Variants in RYR2 observed in about 807,000 individuals in gnomAD.
RYR2 encodes ryanodine receptor 2, also known as cardiac muscle ryanodine receptor-calcium release channel.
A neutral mutation model predicts 601.1 loss-of-function variants in RYR2; 227 were observed. That is an observed-to-expected ratio of 0.38 (90% CI 0.34 to 0.42). The LOEUF is 0.42. Ranked by LOEUF, RYR2 falls within the 10% of genes least tolerant of loss-of-function variation. The pLI is 1.00. For missense variants in RYR2, 4,646 were observed against 6,156.5 expected (o/e 0.75, Z 8.21); for synonymous variants, 2,223 against 2,175.1 (o/e 1.02, Z -0.61).
chr1:237,419,238 A>T (rs1705315637), intron 11 of RYR2, among the ~76,000 whole-genome samples: 1 of 152,024 alleles, frequency 6.6e-6, no homozygotes, highest in African/African-American at 2.4e-5. Context: ...TTCATGATTG[A>T]GTGCTTAAAG....
At chr1:237,653,631 A>T (rs970693781) in intron 51 of RYR2, among the ~76,000 whole-genome samples, 74 of 152,206 alleles carry the variant, frequency 4.9e-4, no homozygotes, top group African/African-American at 1.6e-3. Flanking sequence ...AGGGGAGTTT[A>T]TTAAGGAGTA....
At chr1:237,636,003 C>A (rs894800610) in intron 44 of RYR2, among the ~76,000 whole-genome samples, 7 of 148,136 alleles carry the variant, frequency 4.7e-5, no homozygotes, top group African/African-American at 1.8e-4. Flanking sequence ...CACATCCATG[C>A]TGTGTAAAAC....
intron 1 of RYR2, among the ~76,000 whole-genome samples, chr1:237,242,939 G>T (rs1686366137): frequency 6.6e-6 from 1 of 152,136 alleles, no homozygotes; most frequent in African/African-American, 2.4e-5. Context: ...AAAGTCTGGG[G>T]TAGGGCTCAA....
intron 3 of RYR2, among the ~76,000 whole-genome samples, chr1:237,348,365 G>C (rs1453903117): frequency 2.6e-5 from 4 of 152,090 alleles, no homozygotes; most frequent in Non-Finnish European, 4.4e-5. Flanking sequence ...TGTGACTATC[G>C]ATTCTATGAA....
At chr1:237,483,909 T>A (rs1662391449) in intron 17 of RYR2, among the ~76,000 whole-genome samples, 1 of 152,208 alleles carries the variant, frequency 6.6e-6, no homozygotes, top group Admixed American at 6.5e-5. Context: ...CCCAAACAAA[T>A]ACCTGTGGTT....
intron 10 of RYR2, among the ~76,000 whole-genome samples, chr1:237,389,642 A>C (rs1702218107): frequency 6.6e-6 from 1 of 152,214 alleles, no homozygotes; most frequent in Non-Finnish European, 1.5e-5. Flanking sequence ...AGGCTGTGAG[A>C]GAAGGTATCT....
intron 7 of RYR2, among the ~76,000 whole-genome samples, chr1:237,375,280 A>G (rs1700931685): frequency 6.6e-6 from 1 of 152,238 alleles, no homozygotes; most frequent in South Asian, 2.1e-4. Flanking sequence ...TGTGAAACAA[A>G]AATGTATATA....
At chr1:237,200,132 A>G (rs1364930138) in intron 1 of RYR2, among the ~76,000 whole-genome samples, 1 of 152,164 alleles carries the variant, frequency 6.6e-6, no homozygotes, top group East Asian at 1.9e-4. Context: ...CACATACCCA[A>G]TATGTGGAGG....
At chr1:237,488,887 C>T (rs556080440) in intron 17 of RYR2, among the ~76,000 whole-genome samples, 34 of 152,280 alleles carry the variant, frequency 2.2e-4, no homozygotes, top group African/African-American at 4.8e-4. Flanking sequence ...ACTCTTCTCA[C>T]GGACGCGCGT....
At chr1:237,780,466 T>C (rs1379065408) in intron 88 of RYR2, among the ~76,000 whole-genome samples, 1 of 152,128 alleles carries the variant, frequency 6.6e-6, no homozygotes, top group Non-Finnish European at 1.5e-5. Flanking sequence ...CGTCTCATCT[T>C]CCCAACACTG....
chr1:237,434,608 A>C, intron 12 of RYR2, among the ~76,000 whole-genome samples: 1 of 151,962 alleles, frequency 6.6e-6, no homozygotes, highest in East Asian at 1.9e-4. Context: ...CTCCAGATAA[A>C]ATTTTTTAGC....
At chr1:237,617,058 G>A (rs1678556459) in intron 37 of RYR2, among the ~76,000 whole-genome samples, 1 of 152,172 alleles carries the variant, frequency 6.6e-6, no homozygotes, top group East Asian at 1.9e-4. Context: ...GAAAGAACCA[G>A]ACCATATCAG....
chr1:237,690,785 C>T (rs923803159), intron 63 of RYR2, among the ~76,000 whole-genome samples: 1 of 152,146 alleles, frequency 6.6e-6, no homozygotes, highest in East Asian at 1.9e-4. Context: ...ATTGCTTGAG[C>T]CTGGAGGGCA....
chr1:237,807,944 G>GT (rs768385499), intron 99 of RYR2, among the ~76,000 whole-genome samples: 4 of 152,070 alleles, frequency 2.6e-5, no homozygotes, highest in Non-Finnish European at 5.9e-5. Flanking sequence ...TTCACCAACT[G>GT]GGTGAAAAGC....
intron 1 of RYR2, among the ~76,000 whole-genome samples, chr1:237,044,801 C>T (rs1174781073): frequency 3.4e-5 from 5 of 145,724 alleles, no homozygotes; most frequent in Admixed American, 1.4e-4. Context: ...TTTCTCTTAA[C>T]CTGAGAATGT....
chr1:237,134,798 A>T (rs949021840), intron 1 of RYR2, among the ~76,000 whole-genome samples: 1 of 152,250 alleles, frequency 6.6e-6, no homozygotes, highest in African/African-American at 2.4e-5. Context: ...TAAGCAATCT[A>T]TTAACTTCCT....
At chr1:237,684,488 C>T (rs1238909844) in intron 62 of RYR2, among the ~76,000 whole-genome samples, 2 of 152,080 alleles carry the variant, frequency 1.3e-5, no homozygotes, top group Non-Finnish European at 2.9e-5. Context: ...AGAAAGTCAA[C>T]ATGACTTGGC....
intron 80 of RYR2, among the ~76,000 whole-genome samples, chr1:237,743,420 T>G (rs1691790770): frequency 6.6e-6 from 1 of 152,210 alleles, no homozygotes; most frequent in Non-Finnish European, 1.5e-5. Context: ...TCTTTTCTAA[T>G]GTATATGTTT....
chr1:237,157,283 G>C (rs1416255285), intron 1 of RYR2, among the ~76,000 whole-genome samples: 1 of 104,496 alleles, frequency 9.6e-6, no homozygotes, highest in African/African-American at 3.9e-5. Context: ...GTGACAGAGT[G>C]AGACTCCATC....
Sources: allele counts gnomAD v4.1 joint callset (sites outside exome capture counted in the v4.1 genomes callset), GRCh38; gene constraint gnomAD v4.1.1; transcripts MANE v1.5; gene names NCBI Gene and HGNC (gene_info 2026-07-23, HGNC 2026-07-21).